The following EPB41L3 variants were observed in gnomAD, a reference collection of about 807,000 sequenced individuals.
EPB41L3 encodes the protein band 4.1-like protein 3.
EPB41L3 carries 57 observed loss-of-function variants against 127.1 expected under a neutral mutation model. The ratio of observed to expected loss-of-function variants is 0.45; its 90% confidence interval spans 0.36 to 0.56. EPB41L3 has a LOEUF of 0.56. Among genes scored for constraint, EPB41L3 ranks in the 20% least tolerant of loss-of-function variants. The pLI, the probability that EPB41L3 is intolerant of heterozygous loss-of-function variation, is 0.00. For synonymous variants in EPB41L3, 572 were observed against 549.5 expected, an observed-to-expected ratio of 1.04 and a Z score of -0.57; for missense variants, 1,273 against 1,372.2, an observed-to-expected ratio of 0.93 and a Z score of 1.14.
At position 5,415,953 on chromosome 18, in the gene EPB41L3, C is replaced by G; in HGVS notation, c.1932G>C (p.Leu644=). The change falls in exon 13 of 23, where the codon CTG becomes CTC. Residue 644 remains leucine, a synonymous_variant. Coordinates refer to ENST00000341928, the MANE Select transcript of EPB41L3 (RefSeq NM_012307.5). ...CGTATGGCACTGAGAAGGAGGCAGA[C>G]AGCAGAAAGAAAAAGATGAAGAGGA... is the stretch of plus-strand genomic sequence containing the variant. ...PCFLFIFFFL[L]SASFSVPYAL... The G allele has an allele frequency of 6.2e-7, 1 of 1,614,086 alleles. No individual in the cohort carries two copies. Among genetic ancestry groups the G allele is most frequent in the Non-Finnish European group, 8.5e-7 (1 of 1,180,012 alleles).
At chr18:5,609,870 A>G (rs1240602691) in intron 3 of EPB41L3, among the ~76,000 whole-genome samples, 2 of 151,630 alleles carry the variant, frequency 1.3e-5, no homozygotes, top group Non-Finnish European at 2.9e-5. Context: ...TATAAACCCA[A>G]AAAAAAAACA....
chr18:5,395,819 C>T, intron 19 of EPB41L3, 112 bp from the exon 20 acceptor site: 1 of 785,564 alleles, frequency 1.3e-6, no homozygotes, highest in Non-Finnish European at 2.2e-6. Context: ...ATTATGCAAT[C>T]ATTATGCTCT....
chr18:5,484,714 T>C (rs149597808), intron 2 of EPB41L3, among the ~76,000 whole-genome samples: 32 of 151,988 alleles, frequency 2.1e-4, no homozygotes, highest in African/African-American at 7.2e-4. Flanking sequence ...AACAACTATA[T>C]GGCAACAGAT....
intron 8 of EPB41L3, among the ~76,000 whole-genome samples, chr18:5,428,910 A>T (rs1279159784): frequency 1.3e-5 from 2 of 152,352 alleles, no homozygotes; most frequent in East Asian, 3.9e-4. Context: ...AGCTGAACAC[A>T]GCCTGGTTCC....
chr18:5,407,067 A>G (rs945034415), intron 15 of EPB41L3, 99 bp from the exon 16 acceptor site: 1 of 1,182,158 alleles, frequency 8.5e-7, no homozygotes, highest in South Asian at 1.4e-5. Flanking sequence ...TCTTATTAGT[A>G]GTCAAAATAA....
Position 5,587,984 on chromosome 18 carries a change from C to T in EPB41L3, c.-306+24356G>A, listed in dbSNP as rs187595145. Among the ~76,000 whole-genome samples the T allele has an allele frequency of 1.2e-3, 182 of 152,210 alleles. 1 individual carries two copies. The highest frequency in any genetic ancestry group is 2.2e-3 in the Non-Finnish European group (148 of 68,004). On this transcript the variant is annotated intron_variant, in intron 3 of 21. Transcript: ENST00000545076. ...CAAGAGTAAAATGCAGATCAGATCA[C>T]GCAAAAGAACGCTAACATGGCACAC... is the stretch of plus-strand genomic sequence containing the variant.
chr18:5,553,699 T>G (rs1485993816), intron 3 of EPB41L3, among the ~76,000 whole-genome samples: 1 of 152,210 alleles, frequency 6.6e-6, no homozygotes, highest in Non-Finnish European at 1.5e-5. Flanking sequence ...TCACTGCACC[T>G]GCCTCTGGCA....
chr18:5,428,163 T>C (rs2078480387), intron 9 of EPB41L3, 150 bp downstream of exon 9: 1 of 796,446 alleles, frequency 1.3e-6, no homozygotes, highest in Non-Finnish European at 2.0e-6. Flanking sequence ...TTACTGTTTA[T>C]TGGGCAAACC....
At chr18:5,566,714 T>TTTCTATTCCA (rs1394285205) in intron 3 of EPB41L3, among the ~76,000 whole-genome samples, 4 of 134,794 alleles carry the variant, frequency 3.0e-5, no homozygotes, top group Admixed American at 7.3e-5. Flanking sequence ...TTTCTTTTCT[T>TTTCTATTCCA]TTCTATTCCA....
At position 5,492,364 on chromosome 18, in the gene EPB41L3, G is replaced by A. The variant is rs1358595167; in HGVS notation, c.-11-3170C>T. Reference sequence around the variant, plus strand: ...AATATAATATGCCTAACTTTAACTCGTTATTTTAATAAGCTTTTAGTGTTC... The same window carrying A: ...AATATAATATGCCTAACTTTAACTCATTATTTTAATAAGCTTTTAGTGTTC... On this transcript the variant is annotated intron_variant, in intron 1 of 22. Coordinates refer to ENST00000341928, the MANE Select transcript of EPB41L3 (RefSeq NM_012307.5). Among the ~76,000 whole-genome samples the A allele has an allele frequency of 2.3e-5, 3 of 129,416 alleles. 1 individual carries two copies. The South Asian group carries it at 8.1e-4, about 35-fold the overall frequency. 84.9% of individuals were successfully genotyped at this position (129,416 alleles called of 152,430 possible).
Position 5,536,034 on chromosome 18 carries a change from G to A in EPB41L3, c.-12+7879C>T, listed in dbSNP as rs1162680557. On this transcript the variant is annotated intron_variant, in intron 1 of 22. Coordinates refer to ENST00000341928, the MANE Select transcript of EPB41L3 (RefSeq NM_012307.5). ...GACTGCTGCATCTGCTGTCCCTCGA[G>A]GCATGCCAAGAGGCACATGGGAGAA... is the stretch of plus-strand genomic sequence containing the variant. 2.0e-5 allele frequency among the ~76,000 whole-genome samples: 3 copies of A among 152,070 alleles called. No homozygotes were observed. In the East Asian group the frequency reaches 5.8e-4, roughly 29 times the overall value.
intron 1 of EPB41L3, among the ~76,000 whole-genome samples, chr18:5,626,588 G>T (rs2094925934): frequency 6.6e-6 from 1 of 152,164 alleles, no homozygotes; most frequent in South Asian, 2.1e-4. Flanking sequence ...GTTCCCATGT[G>T]CTAGGTCTCA....
At chr18:5,393,750 T>C (rs1007466432) in intron 22 of EPB41L3, 1 of 340,014 alleles carries the variant, frequency 2.9e-6, no homozygotes, top group East Asian at 5.0e-5. Flanking sequence ...GTATTTTTTA[T>C]ATTTCTCTTT....
chr18:5,530,694 C>T (rs2093383634), intron 1 of EPB41L3, among the ~76,000 whole-genome samples: 1 of 152,194 alleles, frequency 6.6e-6, no homozygotes, highest in Non-Finnish European at 1.5e-5. Flanking sequence ...TCCCCCTTCT[C>T]CACCGCATGG....
chr18:5,564,131 C>T (rs1169701622), intron 3 of EPB41L3, among the ~76,000 whole-genome samples: 2 of 151,928 alleles, frequency 1.3e-5, no homozygotes, highest in Non-Finnish European at 1.5e-5. Context: ...CTCACCAGGG[C>T]GATTTCAGTT....
chr18:5,473,164 G>T (rs914500700), intron 3 of EPB41L3, among the ~76,000 whole-genome samples: 6 of 152,090 alleles, frequency 3.9e-5, no homozygotes, highest in African/African-American at 1.4e-4. Context: ...TCTCTCTCCA[G>T]TGTGGCCCAT....
At position 5,489,209 on chromosome 18, in the gene EPB41L3, A is replaced by G; in HGVS notation, c.-11-15T>C. On this transcript the variant is annotated splice_polypyrimidine_tract_variant and intron_variant, in intron 1 of 22. Coordinates refer to ENST00000341928, the MANE Select transcript of EPB41L3 (RefSeq NM_012307.5). ...GGTTGATTGTTCTGCAAGCAGAAAA[A>G]AGGGAAGAGCAGGTCACTCCGTGCC... is the stretch of plus-strand genomic sequence containing the variant. 4 of 1,585,346 alleles carry G rather than the reference A, an allele frequency of 2.5e-6. No homozygotes were observed. The highest frequency in any genetic ancestry group is 3.4e-6 in the Non-Finnish European group (4 of 1,171,988).
At chr18:5,420,033 AC>A (rs2077278120) in intron 11 of EPB41L3, 156 bp from the exon 12 acceptor site, 1 of 1,446,148 alleles carries the variant, frequency 6.9e-7, no homozygotes, top group Middle Eastern at 2.1e-4. Context: ...AAATACCAAC[AC>A]AAAATACCAG....
chr18:5,454,308 G>C (rs1228584722), intron 3 of EPB41L3, among the ~76,000 whole-genome samples: 1 of 151,102 alleles, frequency 6.6e-6, no homozygotes, highest in East Asian at 1.9e-4. Context: ...GGACAACAGA[G>C]TCCATAAAGC....
Sources: gnomAD v4.1 joint callset for allele counts (sites outside exome capture counted in the v4.1 genomes callset) on GRCh38, gnomAD v4.1.1 for gene constraint, MANE v1.5 for transcripts, NCBI Gene and HGNC (gene_info 2026-07-23, HGNC 2026-07-21) for gene names.